Variants in MDGA2 observed in about 807,000 individuals in gnomAD.
MDGA2 encodes the protein MAM domain-containing glycosylphosphatidylinositol anchor protein 2.
A neutral mutation model predicts 117.8 loss-of-function variants in MDGA2; 40 were observed. The ratio of observed to expected loss-of-function variants is 0.34; its 90% CI spans 0.26 to 0.44. The LOEUF is 0.44. Ranked by LOEUF, MDGA2 falls within the 20% of genes least tolerant of loss-of-function variation. The probability of loss-of-function intolerance (pLI) is 1.00; values close to 1 mark genes in which losing one functional copy is unlikely to be tolerated. For synonymous variants in MDGA2, 452 were observed against 439.0 expected (o/e 1.03, Z -0.37); for missense variants, 1,123 against 1,250.6 (o/e 0.90, Z 1.54).
chr14:47,298,537 T>G (rs1254971330), intron 2 of MDGA2, among the ~76,000 whole-genome samples: 1 of 152,032 alleles, frequency 6.6e-6, no homozygotes, highest in Non-Finnish European at 1.5e-5. Flanking sequence ...CATTCCAGCT[T>G]TCTCATATCA....
chr14:47,590,411 C>T (rs1348779047), intron 1 of MDGA2, among the ~76,000 whole-genome samples: 1 of 151,580 alleles, frequency 6.6e-6, no homozygotes, highest in East Asian at 1.9e-4. Context: ...CAAAGTAAGA[C>T]ACATTCAAGG....
At chr14:46,853,601 G>C (rs1385952703) in intron 15 of MDGA2, among the ~76,000 whole-genome samples, 1 of 151,190 alleles carries the variant, frequency 6.6e-6, no homozygotes, top group Non-Finnish European at 1.5e-5. Context: ...GAAGAGTATG[G>C]TACAATATCT....
At chr14:47,502,948 G>A (rs1894428061) in intron 1 of MDGA2, among the ~76,000 whole-genome samples, 1 of 151,924 alleles carries the variant, frequency 6.6e-6, no homozygotes, top group Non-Finnish European at 1.5e-5. Flanking sequence ...CAAAGTGCTG[G>A]AATTATAGGC....
In MDGA2 at chr14:47,614,575, T is replaced by C. The variant is rs189613219; in HGVS notation, c.280+59942A>G. ...CATGCTTCCATGAAGCCATATAAATTAGAAGTGTTCACCAATGAGTGATTC... is the reference window on the plus strand; with the variant it reads ...CATGCTTCCATGAAGCCATATAAATCAGAAGTGTTCACCAATGAGTGATTC... On this transcript the variant is annotated intron_variant, in intron 1 of 16. Transcript: ENST00000399232. Among the ~76,000 whole-genome samples, 277 of 152,312 alleles carry C rather than the reference T, an allele frequency of 1.8e-3. 2 individuals are homozygous for C. The highest frequency in any genetic ancestry group is 6.3e-3 in the African/African-American group (262 of 41,568).
intron 3 of MDGA2, among the ~76,000 whole-genome samples, chr14:47,173,997 A>C (rs1048314883): frequency 4.1e-4 from 63 of 152,140 alleles, no homozygotes; most frequent in African/African-American, 1.4e-3. Context: ...GGGTTGCAAT[A>C]CTAGTCTCTG....
intron 1 of MDGA2, among the ~76,000 whole-genome samples, chr14:47,355,120 T>G (rs1890965218): frequency 6.6e-6 from 1 of 152,172 alleles, no homozygotes; most frequent in East Asian, 1.9e-4. Flanking sequence ...CATGCAGGGC[T>G]GCATTAGGGC....
At position 47,212,229 on chromosome 14, in the gene MDGA2, A is replaced by G. The variant is rs186235053; in HGVS notation, c.595+5792T>C. On this transcript the variant is annotated intron_variant, in intron 3 of 16. Coordinates refer to ENST00000399232, the MANE Select transcript of MDGA2 (RefSeq NM_001113498.3). Reference sequence around the variant, plus strand: ...TTTATATAGGAGATAATATGTTTTTAGTCAACTTTATTTGGTGTCGAATAT... The same window carrying G: ...TTTATATAGGAGATAATATGTTTTTGGTCAACTTTATTTGGTGTCGAATAT... Among the ~76,000 whole-genome samples, 325 of 152,260 alleles carry G rather than the reference A, an allele frequency of 2.1e-3. 4 individuals carry two copies. The highest frequency in any genetic ancestry group is 7.5e-3 in the African/African-American group (310 of 41,566).
chr14:47,129,513 C>T (rs373617237), intron 5 of MDGA2, among the ~76,000 whole-genome samples: 1 of 148,758 alleles, frequency 6.7e-6, no homozygotes, highest in Non-Finnish European at 1.5e-5. Context: ...TGGGTTGGTT[C>T]CAAGTCTTTG....
chr14:47,071,140 A>G (rs1445233457), intron 6 of MDGA2, among the ~76,000 whole-genome samples: 1 of 152,230 alleles, frequency 6.6e-6, no homozygotes, highest in Non-Finnish European at 1.5e-5. Context: ...CAAAATTTCA[A>G]ATGTCAAAGA....
At chr14:47,237,243 T>TA (rs1886892889) in intron 2 of MDGA2, among the ~76,000 whole-genome samples, 1 of 152,070 alleles carries the variant, frequency 6.6e-6, no homozygotes, top group Non-Finnish European at 1.5e-5. Flanking sequence ...GTTCCCTGAC[T>TA]TAAAAAAAAA....
At chr14:47,248,099 A>G (rs1321632547) in intron 2 of MDGA2, among the ~76,000 whole-genome samples, 1 of 151,706 alleles carries the variant, frequency 6.6e-6, no homozygotes, top group East Asian at 1.9e-4. Flanking sequence ...TAGTGCTGCA[A>G]TAAACATATG....
At chr14:46,998,804 T>C (rs569897753) in intron 8 of MDGA2, among the ~76,000 whole-genome samples, 13 of 152,226 alleles carry the variant, frequency 8.5e-5, no homozygotes, top group African/African-American at 2.6e-4. Context: ...AATTAGTGGG[T>C]CAACTTTTAT....
intron 1 of MDGA2, among the ~76,000 whole-genome samples, chr14:47,393,696 A>C (rs979167789): frequency 6.6e-6 from 1 of 152,084 alleles, no homozygotes. Flanking sequence ...TCAAAGGCCA[A>C]TGAAATCTGA....
chr14:47,343,208 T>C (rs1246360978), intron 1 of MDGA2: 2 of 1,136,886 alleles, frequency 1.8e-6, no homozygotes, highest in Non-Finnish European at 2.2e-6. Flanking sequence ...AAAGGAATGG[T>C]GATTTTTTTT....
chr14:47,090,959 T>A (rs1594609965), intron 6 of MDGA2, among the ~76,000 whole-genome samples: 1 of 152,248 alleles, frequency 6.6e-6, no homozygotes, highest in East Asian at 1.9e-4. Context: ...ATACCCTGAA[T>A]TTTTTAGCTG....
At chr14:47,036,008 G>A (rs974977903) in intron 7 of MDGA2, among the ~76,000 whole-genome samples, 3 of 151,836 alleles carry the variant, frequency 2.0e-5, no homozygotes, top group African/African-American at 4.8e-5. Context: ...GGTGGCTCAC[G>A]CCTGTAATCC....
At chr14:47,094,570 A>G (rs1393125255) in intron 6 of MDGA2, among the ~76,000 whole-genome samples, 1 of 152,026 alleles carries the variant, frequency 6.6e-6, no homozygotes, top group Non-Finnish European at 1.5e-5. Flanking sequence ...TCAATGCATC[A>G]TTTTTCTCTA....
intron 10 of MDGA2, among the ~76,000 whole-genome samples, chr14:46,891,929 T>C (rs909198439): frequency 6.6e-6 from 1 of 151,768 alleles, no homozygotes; most frequent in Non-Finnish European, 1.5e-5. Flanking sequence ...GTAAATGTGT[T>C]ATGTAGTAGA....
At chr14:47,263,707 T>C (rs1287382754) in intron 2 of MDGA2, among the ~76,000 whole-genome samples, 1 of 152,182 alleles carries the variant, frequency 6.6e-6, no homozygotes, top group Admixed American at 6.6e-5. Context: ...AGCATCACAT[T>C]TGCTTGCATT....
Sources: gnomAD v4.1 joint callset for allele counts (sites outside exome capture counted in the v4.1 genomes callset) on GRCh38, gnomAD v4.1.1 for gene constraint, MANE v1.5 for transcripts, NCBI Gene and HGNC (gene_info 2026-07-23, HGNC 2026-07-21) for gene names.